GLB1: variants seen among roughly 807,000 people sequenced by gnomAD.
GLB1 encodes the protein beta-galactosidase.
Under a neutral mutation model 74.0 loss-of-function variants are expected in GLB1, and 56 were observed. That is an observed-to-expected ratio of 0.76 (90% CI 0.61 to 0.94). The LOEUF is 0.94. Among genes scored for constraint, GLB1 ranks in the 40% least tolerant of loss-of-function variants. The probability of loss-of-function intolerance (pLI) is 0.00; values close to 1 mark genes in which losing one functional copy is unlikely to be tolerated. For missense variants in GLB1, 787 were observed against 845.5 expected, an observed-to-expected ratio of 0.93 and a Z score of 0.86; for synonymous variants, 323 against 323.6, an observed-to-expected ratio of 1.00 and a Z score of 0.02.
chr3:33,053,459 C>G (rs1699083528), intron 7 of GLB1, 32 bp downstream of exon 7: 1 of 1,614,164 alleles, frequency 6.2e-7, no homozygotes, highest in Non-Finnish European at 8.5e-7. Context: ...CTCTTAACAG[C>G]TGCAAACACA....
rs1166824055 is a variant in GLB1 at position 33,070,861 on chromosome 3, TAAATAA to T, written c.245+1677_245+1682del. On this transcript the variant is annotated intron_variant, in intron 2 of 15. Transcript: ENST00000307363. ...CCCCAGCTCTAAAAAATTGTTTTAA[TAAATAA>T]AAATAAAAATTATATATGTCCATGT... Among the ~76,000 whole-genome samples the T allele has an allele frequency of 6.6e-5, 10 of 152,202 alleles. No individual in the cohort carries two copies. The East Asian group carries it at 1.5e-3, about 23-fold the overall frequency.
At chr3:33,058,010 A>G in intron 6 of GLB1, 79 bp downstream of exon 6, 7 of 1,576,538 alleles carry the variant, frequency 4.4e-6, no homozygotes, top group Non-Finnish European at 6.1e-6. Context: ...CATGACACTT[A>G]TAACAACAGC....
the GLB1 span, among the ~76,000 whole-genome samples, chr3:32,969,240 G>C: frequency 5.9e-5 from 9 of 152,198 alleles, no homozygotes; most frequent in African/African-American, 9.7e-5. Flanking sequence ...AGAAAGCAGA[G>C]CTAATAGCTC....
chr3:32,985,132 G>A, the GLB1 span, among the ~76,000 whole-genome samples: 9 of 148,364 alleles, frequency 6.1e-5, no homozygotes, highest in Non-Finnish European at 1.2e-4. Flanking sequence ...AAAAGCAGAA[G>A]TGTCTCTGAA....
chr3:33,019,791 T>G (rs1697393414), intron 12 of GLB1, among the ~76,000 whole-genome samples: 1 of 152,146 alleles, frequency 6.6e-6, no homozygotes, highest in Non-Finnish European at 1.5e-5. Flanking sequence ...GCTGTGATGC[T>G]CCCCAGGCAG....
Position 33,074,340 on chromosome 3 carries a change from G to GGAAGGAAA in GLB1, c.76-1628_76-1627insTTTCCTTC, listed in dbSNP as rs781567418. 7.7e-5 allele frequency among the ~76,000 whole-genome samples: 3 copies of GGAAGGAAA among 39,188 alleles called. No homozygotes were observed. The East Asian group carries it at 3.1e-3, about 40-fold the overall frequency. 25.7% of individuals were successfully genotyped at this position (39,188 alleles called of 152,430 possible). On this transcript the variant is annotated intron_variant, in intron 1 of 15. Coordinates refer to ENST00000307363, the MANE Select transcript of GLB1 (RefSeq NM_000404.4). ...GAACGAGAAAGAAGGAAGGAAGGAA[G>GGAAGGAAA]GAAGGAAGGAAGGAAGGAAGGAAGG...
chr3:33,019,719 T>G lies in GLB1; in HGVS notation c.1234-1158A>C, dbSNP rs116511938. 4.1e-3 allele frequency among the ~76,000 whole-genome samples: 624 copies of G among 152,166 alleles called. 4 individuals carry two copies. The highest frequency in any genetic ancestry group is 5.7e-3 in the Non-Finnish European group (388 of 68,002). ...TACTTATTTTGAAAACTAGCTAAAG[T>G]GGTAAGTTTCCTCAAGGGCTGAGGA... On this transcript the variant is annotated intron_variant, in intron 12 of 15. Transcript: ENST00000307363.
rs77537101 is a variant in GLB1 at position 33,085,257 on chromosome 3, A to G, written c.75+11754T>C. Among the ~76,000 whole-genome samples the G allele has an allele frequency of 5.0e-3, 706 of 142,372 alleles. 37 individuals carry two copies. In the East Asian group the frequency reaches 0.13, roughly 27 times the overall value. 93.4% of individuals were successfully genotyped at this position (142,372 alleles called of 152,430 possible). On this transcript the variant is annotated intron_variant, in intron 1 of 15. Coordinates refer to ENST00000307363, the MANE Select transcript of GLB1 (RefSeq NM_000404.4). ...GCCACTGCAGTCCAATCAGAGTGAC[A>G]GAGCAAGAGTCTGTTTCAAAAAAAA... is the stretch of plus-strand genomic sequence containing the variant.
At position 33,018,453 on chromosome 3, in the gene GLB1, C is replaced by T. The variant is rs779755961; in HGVS notation, c.1342G>A (p.Asp448Asn). The part of the protein sequence containing the change: ...GVHDRAYVAV[D>N]GIPQGVLERN... ...AGTTCAGAGACGATTCTTACCCCAT[C>T]CACAGCAACATATGCTCGATCGTGG... Residue 448 changes from aspartate to asparagine, a missense_variant, in exon 13 of 16, where the codon GAT (aspartate) becomes AAT (asparagine). Coordinates refer to ENST00000307363, the MANE Select transcript of GLB1 (RefSeq NM_000404.4). 8 of 1,613,936 alleles carry T rather than the reference C, an allele frequency of 5.0e-6. No individual in the cohort carries two copies. The highest frequency in any genetic ancestry group is 1.6e-4 in the Middle Eastern group (1 of 6,084).
intron 14 of GLB1, 45 bp downstream of exon 14, chr3:33,016,664 T>A: frequency 6.2e-7 from 1 of 1,610,826 alleles, no homozygotes; most frequent in Non-Finnish European, 8.5e-7. Flanking sequence ...AACTTCTAAG[T>A]TGTCACCCCT....
At chr3:33,027,665 T>C (rs1306518254) in intron 10 of GLB1, among the ~76,000 whole-genome samples, 2 of 152,054 alleles carry the variant, frequency 1.3e-5, no homozygotes, top group Non-Finnish European at 2.9e-5. Context: ...GCCTGTAGTC[T>C]CAGCTACTTG....
chr3:33,050,647 G>A (rs1397315195), intron 9 of GLB1, among the ~76,000 whole-genome samples: 5 of 152,200 alleles, frequency 3.3e-5, no homozygotes, highest in Non-Finnish European at 7.4e-5. Flanking sequence ...TGGAATGAAT[G>A]CTAATGGGTA....
chr3:33,064,331 T>G (rs368959935), intron 5 of GLB1, among the ~76,000 whole-genome samples: 2 of 150,790 alleles, frequency 1.3e-5, no homozygotes, highest in African/African-American at 4.9e-5. Context: ...TGCCAGCTAC[T>G]TGGGAGGCTG....
intron 15 of GLB1, among the ~76,000 whole-genome samples, chr3:33,004,799 T>G (rs2125451470): frequency 6.6e-6 from 1 of 152,314 alleles, no homozygotes; most frequent in African/African-American, 2.4e-5. Context: ...GAAGAGTAGC[T>G]TTCAGGGGTA....
At chr3:32,982,989 C>T in the GLB1 span, among the ~76,000 whole-genome samples, 1 of 152,042 alleles carries the variant, frequency 6.6e-6, no homozygotes, top group South Asian at 2.1e-4. Context: ...ACTGCCACTC[C>T]CTTGAAGTGG....
the GLB1 span, among the ~76,000 whole-genome samples, chr3:32,979,722 T>A: frequency 1.3e-5 from 2 of 151,676 alleles, no homozygotes; most frequent in East Asian, 1.9e-4. Context: ...CATGGTGGCA[T>A]GTGCCTGTTG....
intron 10 of GLB1, chr3:33,034,488 G>T (rs1022676339): frequency 4.1e-6 from 3 of 735,312 alleles, no homozygotes; most frequent in Non-Finnish European, 7.5e-6. Context: ...GACTGGGTTT[G>T]AGATGTGGCC....
chr3:32,988,653 A>G, the GLB1 span, among the ~76,000 whole-genome samples: 1 of 152,182 alleles, frequency 6.6e-6, no homozygotes, highest in Non-Finnish European at 1.5e-5. Context: ...AACAATCAGA[A>G]TTCCATCTTT....
intron 1 of GLB1, among the ~76,000 whole-genome samples, chr3:33,085,909 C>CA (rs56129722): frequency 0.14 from 16,968 of 117,468 alleles, 1,282 homozygotes; most frequent in East Asian, 0.39. Flanking sequence ...CTGTCTCTAC[C>CA]AAAAAAAAAA....
Sources: allele counts gnomAD v4.1 joint callset (sites outside exome capture counted in the v4.1 genomes callset), GRCh38; gene constraint gnomAD v4.1.1; transcripts MANE v1.5; gene names NCBI Gene and HGNC (gene_info 2026-07-23, HGNC 2026-07-21).